The following KLF12 variants were observed in gnomAD, a reference collection of about 807,000 sequenced individuals.
KLF12 encodes Krueppel-like factor 12.
Under a neutral mutation model 37.8 loss-of-function variants are expected in KLF12, and 9 were observed. The ratio of observed to expected loss-of-function variants is 0.24; its 90% CI spans 0.14 to 0.42. The LOEUF (loss-of-function observed/expected upper bound fraction) is 0.42, where lower values mean the gene tolerates loss of function less well. Ranked by LOEUF, KLF12 falls within the 10% of genes least tolerant of loss-of-function variation. The pLI is 1.00. For missense variants in KLF12, 411 were observed against 516.0 expected, an observed-to-expected ratio of 0.80 and a Z score of 1.97; for synonymous variants, 208 against 202.1, an observed-to-expected ratio of 1.03 and a Z score of -0.25.
the KLF12 span, among the ~76,000 whole-genome samples, chr13:74,240,179 A>T: frequency 6.6e-6 from 1 of 151,776 alleles, no homozygotes; most frequent in African/African-American, 2.4e-5. Context: ...TCTGTAAATT[A>T]TTTTATTTTT....
At chr13:74,199,383 T>C in the KLF12 span, among the ~76,000 whole-genome samples, 1 of 152,172 alleles carries the variant, frequency 6.6e-6, no homozygotes, top group Non-Finnish European at 1.5e-5. Context: ...CGAAATTAGA[T>C]AAAATGTAGG....
At chr13:73,994,470 C>G (rs1361455346) in intron 2 of KLF12, among the ~76,000 whole-genome samples, 4 of 81,788 alleles carry the variant, frequency 4.9e-5, no homozygotes, top group Admixed American at 1.1e-4. Context: ...ACAGCGCCCC[C>G]CCCACCACCA....
At chr13:74,019,645 C>G (rs1892789697) in intron 1 of KLF12, among the ~76,000 whole-genome samples, 1 of 152,188 alleles carries the variant, frequency 6.6e-6, no homozygotes, top group Non-Finnish European at 1.5e-5. Context: ...TACAATTTCT[C>G]CTTTTCCTGG....
At chr13:73,705,876 G>A (rs958394050) in intron 7 of KLF12, among the ~76,000 whole-genome samples, 6 of 152,158 alleles carry the variant, frequency 3.9e-5, no homozygotes, top group African/African-American at 9.7e-5. Context: ...CATGGCGGCC[G>A]GGTGCAGTGG....
At chr13:73,747,911 G>C (rs983886180) in intron 6 of KLF12, among the ~76,000 whole-genome samples, 1 of 152,182 alleles carries the variant, frequency 6.6e-6, no homozygotes, top group Non-Finnish European at 1.5e-5. Flanking sequence ...GAATGGGTCT[G>C]AGAAATAAAT....
At chr13:73,951,202 A>G (rs1196387784) in intron 2 of KLF12, among the ~76,000 whole-genome samples, 1 of 152,238 alleles carries the variant, frequency 6.6e-6, no homozygotes, top group East Asian at 1.9e-4. Flanking sequence ...TGTGCTTTAC[A>G]TTCATTGCAT....
At chr13:73,892,923 T>C (rs142730594) in intron 3 of KLF12, among the ~76,000 whole-genome samples, 1 of 152,174 alleles carries the variant, frequency 6.6e-6, no homozygotes, top group Non-Finnish European at 1.5e-5. Flanking sequence ...AATAATACAT[T>C]GCTTTTGTTA....
At chr13:73,929,435 AT>A (rs1330948346) in intron 3 of KLF12, among the ~76,000 whole-genome samples, 3 of 152,232 alleles carry the variant, frequency 2.0e-5, no homozygotes, top group Non-Finnish European at 1.5e-5. Context: ...AGAGTAGGAC[AT>A]AAATACAGAA....
chr13:73,777,395 T>C (rs1880675408), intron 5 of KLF12, among the ~76,000 whole-genome samples: 1 of 152,168 alleles, frequency 6.6e-6, no homozygotes, highest in Admixed American at 6.5e-5. Context: ...ATGAATAACA[T>C]ACAAGATAGT....
At chr13:73,813,373 C>T (rs1883046113) in intron 4 of KLF12, 86 bp from the exon 5 acceptor site, 2 of 1,406,432 alleles carry the variant, frequency 1.4e-6, no homozygotes. Context: ...TATGGAACTT[C>T]TGTGCATATC....
intron 1 of KLF12, among the ~76,000 whole-genome samples, chr13:74,100,743 A>T (rs1876292297): frequency 6.6e-6 from 1 of 152,310 alleles, no homozygotes; most frequent in East Asian, 1.9e-4. Context: ...GTATGTGTAC[A>T]TGCCATTGAA....
chr13:73,994,104 A>T (rs185880668), intron 2 of KLF12, among the ~76,000 whole-genome samples: 1 of 152,244 alleles, frequency 6.6e-6, no homozygotes, highest in Non-Finnish European at 1.5e-5. Context: ...TGAGGATGGA[A>T]GAAGGCAATT....
the KLF12 span, among the ~76,000 whole-genome samples, chr13:74,238,137 T>G: frequency 1.5e-5 from 2 of 132,654 alleles, 1 homozygote; most frequent in East Asian, 4.0e-4. Flanking sequence ...TTATTGAGAG[T>G]TTTTAGCATG....
the KLF12 span, among the ~76,000 whole-genome samples, chr13:74,247,046 G>C: frequency 6.6e-6 from 1 of 152,116 alleles, no homozygotes; most frequent in African/African-American, 2.4e-5. Flanking sequence ...CTGTGAAAAC[G>C]ATCTTATTGT....
intron 1 of KLF12, among the ~76,000 whole-genome samples, chr13:74,083,304 G>C (rs892575425): frequency 1.3e-5 from 2 of 152,160 alleles, no homozygotes; most frequent in Non-Finnish European, 2.9e-5. Context: ...CTTGAGCCCA[G>C]AGACCAGACT....
At chr13:73,710,909 C>T (rs772012851) in intron 7 of KLF12, among the ~76,000 whole-genome samples, 2 of 152,142 alleles carry the variant, frequency 1.3e-5, no homozygotes, top group Non-Finnish European at 2.9e-5. Context: ...GCCAGTTAGC[C>T]AAGCTATGAA....
the KLF12 span, among the ~76,000 whole-genome samples, chr13:74,211,874 A>G: frequency 4.3e-3 from 648 of 152,326 alleles, 2 homozygotes; most frequent in Non-Finnish European, 6.0e-3. Flanking sequence ...ATACCTTTTC[A>G]TACTTACATT....
In KLF12 at chr13:73,688,380, TATC is replaced by T. The variant is rs1388765137; in HGVS notation, c.*7107_*7109del. 1 of 152,254 alleles carries T rather than the reference TATC, an allele frequency of 6.6e-6. No individual in the cohort carries two copies. Among genetic ancestry groups the T allele is most frequent in the Non-Finnish European group, 1.5e-5 (1 of 68,042 alleles). 9.4% of individuals were successfully genotyped at this position (152,254 alleles called of 1,614,324 possible). A position where few individuals can be genotyped will look rare whatever the true frequency, so the allele number is the denominator to read the frequency against. On this transcript the variant is annotated 3_prime_UTR_variant, in exon 8 of 8. Transcript: ENST00000377669. Reference sequence around the variant, plus strand: ...AAAGAATTATCCATTATCTCTCCTTTATCATCATCTGAACGTTTGATTGCCACC... The same window carrying T: ...AAAGAATTATCCATTATCTCTCCTTTATCATCTGAACGTTTGATTGCCACC...
In KLF12 at chr13:73,691,533, G is replaced by A. The variant is rs1873821670; in HGVS notation, c.*3957C>T. 1 of 152,634 alleles carries A rather than the reference G, an allele frequency of 6.6e-6. No homozygotes were observed. The highest frequency in any genetic ancestry group is 2.4e-5 in the African/African-American group (1 of 41,446). The allele number at this position is 152,634 out of a possible 1,614,324, so 9.5% of individuals were successfully genotyped here. ...ACATTCAGTCCCTTATACGCAGACT[G>A]TAACATGGATGCTGGTATTCTTAAC... On this transcript the variant is annotated 3_prime_UTR_variant, in exon 8 of 8. Coordinates refer to ENST00000377669, the MANE Select transcript of KLF12 (RefSeq NM_007249.5).
Sources: allele counts gnomAD v4.1 joint callset (sites outside exome capture counted in the v4.1 genomes callset), GRCh38; gene constraint gnomAD v4.1.1; transcripts MANE v1.5; gene names NCBI Gene and HGNC (gene_info 2026-07-23, HGNC 2026-07-21).